The following TMEM50B variants were observed in gnomAD, a reference collection of about 807,000 sequenced individuals.
The protein encoded by TMEM50B is HCV p7-trans-regulated protein 3.
Under a neutral mutation model 23.4 loss-of-function variants are expected in TMEM50B, and 14 were observed. That is an observed-to-expected ratio of 0.60 (90% CI 0.39 to 0.93). TMEM50B has a LOEUF of 0.93. TMEM50B is among the 40% of genes least tolerant of loss of function. TMEM50B has a pLI of 0.00. For synonymous variants in TMEM50B, 64 were observed against 62.3 expected (o/e 1.03, Z -0.13); for missense variants, 159 against 193.0 (o/e 0.82, Z 1.04).
downstream of TMEM50B, among the ~76,000 whole-genome samples, chr21:33,448,236 G>A (rs1229881182): frequency 2.0e-5 from 3 of 152,040 alleles, no homozygotes; most frequent in Admixed American, 6.6e-5. Flanking sequence ...CTCATGATCT[G>A]CCCGCCTCGG....
At chr21:33,464,527 C>A (rs2084246735) in intron 4 of TMEM50B, among the ~76,000 whole-genome samples, 1 of 144,730 alleles carries the variant, frequency 6.9e-6, no homozygotes, top group Admixed American at 6.9e-5. Context: ...ACAATTGGGC[C>A]GGGCTCGGTG....
intron 2 of TMEM50B, among the ~76,000 whole-genome samples, chr21:33,467,640 A>G (rs1024409154): frequency 7.2e-5 from 11 of 152,136 alleles, no homozygotes; most frequent in Non-Finnish European, 1.6e-4. Context: ...ATTCAAATAT[A>G]AATACAAAAA....
intron 7 of TMEM50B, among the ~76,000 whole-genome samples, chr21:33,441,491 G>T (rs370507278): frequency 1.2e-3 from 181 of 152,292 alleles, no homozygotes; most frequent in Middle Eastern, 3.4e-3. Flanking sequence ...TGGCTATAAG[G>T]ATCAATAGCA....
At chr21:33,436,973 G>A (rs2083961174) in intron 8 of TMEM50B, 1 of 1,613,590 alleles carries the variant, frequency 6.2e-7, no homozygotes, top group Admixed American at 1.7e-5. Flanking sequence ...ACCAAAGCAT[G>A]GGCCTAGCCC....
chr21:33,452,492 G>A (rs1429314441), intron 6 of TMEM50B, among the ~76,000 whole-genome samples: 3 of 152,206 alleles, frequency 2.0e-5, no homozygotes, highest in African/African-American at 7.2e-5. Context: ...CCACAAGGCT[G>A]GAAGAGAGTT....
chr21:33,477,132 C>T (rs1400156705), intron 1 of TMEM50B, among the ~76,000 whole-genome samples: 1 of 152,006 alleles, frequency 6.6e-6, no homozygotes, highest in Non-Finnish European at 1.5e-5. Flanking sequence ...AAACCCGTCT[C>T]TACAAAAATT....
At chr21:33,469,091 T>C (rs547109605) in intron 1 of TMEM50B, among the ~76,000 whole-genome samples, 165 bp from the exon 2 acceptor site, 1 of 152,294 alleles carries the variant, frequency 6.6e-6, no homozygotes, top group Admixed American at 6.5e-5. Flanking sequence ...GAGATGTATA[T>C]AGGACTACGC....
rs770051303 is a variant in TMEM50B at position 33,436,943 on chromosome 21, A to G, written c.*2120+2271T>C. The G allele has an allele frequency of 5.6e-6, 9 of 1,613,898 alleles. No homozygotes were observed. In the South Asian group the frequency reaches 7.7e-5, roughly 14 times the overall value. On this transcript the variant is annotated intron_variant and NMD_transcript_variant, in intron 8 of 8. Coordinates refer to the TMEM50B transcript ENST00000420455. ...TCGTTTCCGGAAAAGGAGCAAGAAG[A>G]TGTTCTCCAAACGCTTTGAACCAAA... is the stretch of plus-strand genomic sequence containing the variant.
intron 1 of TMEM50B, among the ~76,000 whole-genome samples, chr21:33,472,295 A>G (rs2084325142): frequency 6.6e-6 from 1 of 151,762 alleles, no homozygotes; most frequent in Admixed American, 6.6e-5. Context: ...AGGCAGTAGA[A>G]TTGCCTGAAC....
chr21:33,466,697 C>G (rs2084267215), intron 3 of TMEM50B, among the ~76,000 whole-genome samples: 1 of 151,674 alleles, frequency 6.6e-6, no homozygotes, highest in African/African-American at 2.4e-5. Flanking sequence ...AAGATGCATC[C>G]TGATATTCAG....
At chr21:33,466,085 C>A (rs548334152) in intron 3 of TMEM50B, among the ~76,000 whole-genome samples, 1 of 152,162 alleles carries the variant, frequency 6.6e-6, no homozygotes, top group South Asian at 2.1e-4. Flanking sequence ...CATGGTGGAA[C>A]CCCGTCTCTA....
chr21:33,473,258 G>T (rs1909585030), intron 1 of TMEM50B, among the ~76,000 whole-genome samples: 1 of 152,028 alleles, frequency 6.6e-6, no homozygotes, highest in African/African-American at 2.4e-5. Context: ...TTCAAGACCA[G>T]CCTGGGCAAC....
At chr21:33,478,646 C>T (rs371218771) in intron 1 of TMEM50B, among the ~76,000 whole-genome samples, 2 of 152,182 alleles carry the variant, frequency 1.3e-5, no homozygotes, top group South Asian at 2.1e-4. Context: ...AAGAAATATA[C>T]GTCCCCACCT....
At chr21:33,448,273 G>A (rs970563455), downstream of TMEM50B, among the ~76,000 whole-genome samples, 20 of 152,096 alleles carry the variant, frequency 1.3e-4, no homozygotes, top group East Asian at 3.9e-4. Flanking sequence ...GATTACAGGC[G>A]TGAGCCCCCA....
rs1027755056 is a variant in TMEM50B at position 33,450,751 on chromosome 21, C to G, written c.*67G>C. The G allele has an allele frequency of 1.5e-6, 2 of 1,312,950 alleles. No homozygotes were observed. The highest frequency in any genetic ancestry group is 2.9e-5 in the African/African-American group (2 of 67,924). The allele number at this position is 1,312,950 out of a possible 1,614,324, so 81.3% of individuals were successfully genotyped here. ...AATCTACTCCATTTGGCAATGTGTA[C>G]TGAGAGATAAAAAACCTATCTACAA... On this transcript the variant is annotated 3_prime_UTR_variant, in exon 7 of 7. Coordinates refer to ENST00000542230, the MANE Select transcript of TMEM50B (RefSeq NM_006134.7).
downstream of TMEM50B, among the ~76,000 whole-genome samples, chr21:33,448,388 T>C (rs1742594034): frequency 6.6e-6 from 1 of 152,214 alleles, no homozygotes; most frequent in Admixed American, 6.5e-5. Context: ...GGCTCATGCC[T>C]GTCAACCTAG....
rs1198125626 is a variant in TMEM50B, at chr21:33,450,766, C to T, written c.*52G>A. 2 of 1,494,894 alleles carry T rather than the reference C, an allele frequency of 1.3e-6. No individual in the cohort carries two copies. Among genetic ancestry groups the T allele is most frequent in the African/African-American group, 2.8e-5 (2 of 71,444 alleles). The allele number at this position is 1,494,894 out of a possible 1,614,324, so 92.6% of individuals were successfully genotyped here. Reference sequence around the variant, plus strand: ...GCAATGTGTACTGAGAGATAAAAAACCTATCTACAAACAGAATATAACAAA... The same window carrying T: ...GCAATGTGTACTGAGAGATAAAAAATCTATCTACAAACAGAATATAACAAA... On this transcript the variant is annotated 3_prime_UTR_variant, in exon 7 of 7. Coordinates refer to ENST00000542230, the MANE Select transcript of TMEM50B (RefSeq NM_006134.7).
intron 1 of TMEM50B, among the ~76,000 whole-genome samples, chr21:33,473,771 C>T (rs758595699): frequency 3.9e-5 from 6 of 152,038 alleles, no homozygotes; most frequent in Non-Finnish European, 5.9e-5. Flanking sequence ...GTAATTGCCA[C>T]GGAGTGGAAG....
intron 7 of TMEM50B, among the ~76,000 whole-genome samples, chr21:33,441,368 A>C (rs976314705): frequency 4.6e-5 from 7 of 152,226 alleles, no homozygotes; most frequent in Non-Finnish European, 8.8e-5. Flanking sequence ...GGGTATTACA[A>C]GGGGAACACG....
Sources: gnomAD v4.1 joint callset for allele counts (sites outside exome capture counted in the v4.1 genomes callset) on GRCh38, gnomAD v4.1.1 for gene constraint, MANE v1.5 for transcripts, NCBI Gene and HGNC (gene_info 2026-07-23, HGNC 2026-07-21) for gene names.